Variants in PLAAT3 observed in about 807,000 individuals in gnomAD.
PLAAT3 encodes Ca-independent phospholipase A1/2.
In PLAAT3, 21 loss-of-function variants were observed where a neutral mutation model predicts 16.7. The ratio of observed to expected loss-of-function variants is 1.26; its 90% confidence interval spans 0.89 to 1.81. The LOEUF is 1.81. Among genes scored for constraint, PLAAT3 ranks in the 40% most tolerant of loss-of-function variants. The pLI, the probability that PLAAT3 is intolerant of heterozygous loss-of-function variation, is 0.00. For missense variants in PLAAT3, 219 were observed against 213.7 expected (o/e 1.02, Z -0.16); for synonymous variants, 76 against 81.7 (o/e 0.93, Z 0.38).
intron 3 of PLAAT3, among the ~76,000 whole-genome samples, chr11:63,597,084 G>C (rs1279943267): frequency 6.7e-6 from 1 of 148,964 alleles, no homozygotes; most frequent in East Asian, 2.0e-4. Flanking sequence ...CAAGAAAAGC[G>C]AAACTCCATC....
At chr11:63,594,537 T>C (rs1938233981) in intron 3 of PLAAT3, among the ~76,000 whole-genome samples, 1 of 151,978 alleles carries the variant, frequency 6.6e-6, no homozygotes, top group Non-Finnish European at 1.5e-5. Context: ...TGTGGAAGCT[T>C]TTCCCTACCC....
At chr11:63,583,576 T>C in intron 4 of PLAAT3, among the ~76,000 whole-genome samples, 1 of 152,154 alleles carries the variant, frequency 6.6e-6, no homozygotes. Context: ...AGTGCAAACT[T>C]GATGGGAAAA....
At chr11:63,606,690 G>C (rs1938574370) in intron 2 of PLAAT3, among the ~76,000 whole-genome samples, 1 of 152,182 alleles carries the variant, frequency 6.6e-6, no homozygotes, top group South Asian at 2.1e-4. Flanking sequence ...TCCGGCAGGG[G>C]GAGCAGCCGA....
At chr11:63,614,166 G>T in intron 1 of PLAAT3, 98 bp from the exon 2 acceptor site, 1 of 1,028,250 alleles carries the variant, frequency 9.7e-7, no homozygotes, top group Non-Finnish European at 1.5e-6. Flanking sequence ...CGTGAGAGGC[G>T]CGCCTCGGAC....
Position 63,598,046 on chromosome 11 carries a change from C to T in PLAAT3, c.118+15G>A, listed in dbSNP as rs752341771. ...CCCTGGGGCCCATCACAGTGGAGGT[C>T]CCATGTGTTCTTACTTGGAGGGGCC... On this transcript the variant is annotated intron_variant, in intron 3 of 4. Coordinates refer to ENST00000415826, the MANE Select transcript of PLAAT3 (RefSeq NM_001128203.2). The T allele has an allele frequency of 1.4e-5, 21 of 1,547,894 alleles. No homozygotes were observed. The highest frequency in any genetic ancestry group is 1.9e-5 in the Non-Finnish European group (21 of 1,119,594).
chr11:63,587,978 C>G (rs1938027283), intron 4 of PLAAT3, among the ~76,000 whole-genome samples: 1 of 152,086 alleles, frequency 6.6e-6, no homozygotes, highest in Non-Finnish European at 1.5e-5. Context: ...CTTTGGGAGG[C>G]TGAGGCGTTA....
At chr11:63,575,893 G>A (rs2017652803) in intron 4 of PLAAT3, among the ~76,000 whole-genome samples, 1 of 152,150 alleles carries the variant, frequency 6.6e-6, no homozygotes, top group Non-Finnish European at 1.5e-5. Context: ...GCTTTAGCTG[G>A]TCCCTGAACC....
At chr11:63,600,235 G>A (rs1033200088) in intron 2 of PLAAT3, among the ~76,000 whole-genome samples, 3 of 152,068 alleles carry the variant, frequency 2.0e-5, no homozygotes, top group Admixed American at 6.5e-5. Flanking sequence ...CTCCCACTTC[G>A]GCCTCCCAAA....
intron 2 of PLAAT3, among the ~76,000 whole-genome samples, chr11:63,601,045 A>G (rs1323700834): frequency 2.8e-5 from 2 of 72,616 alleles, no homozygotes; most frequent in South Asian, 8.2e-4. Flanking sequence ...AAAATTAAAC[A>G]AAAAAAAAAA....
chr11:63,597,485 C>T (rs1401578696), intron 3 of PLAAT3, among the ~76,000 whole-genome samples: 2 of 152,124 alleles, frequency 1.3e-5, no homozygotes, highest in Admixed American at 6.6e-5. Flanking sequence ...GAGATTGCGC[C>T]ACTGCACTCC....
intron 3 of PLAAT3, among the ~76,000 whole-genome samples, chr11:63,590,632 C>T (rs1268213365): frequency 2.6e-5 from 4 of 152,174 alleles, no homozygotes; most frequent in Non-Finnish European, 5.9e-5. Flanking sequence ...TCTTCTATAC[C>T]TCATGACACT....
At chr11:63,598,524 C>T (rs549722584) in intron 2 of PLAAT3, among the ~76,000 whole-genome samples, 1 of 152,372 alleles carries the variant, frequency 6.6e-6, no homozygotes, top group Non-Finnish European at 1.5e-5. Flanking sequence ...TCCACACAAC[C>T]ATCCAATGAT....
chr11:63,592,887 G>A (rs2134411401), intron 3 of PLAAT3, among the ~76,000 whole-genome samples: 1 of 152,292 alleles, frequency 6.6e-6, no homozygotes, highest in African/African-American at 2.4e-5. Flanking sequence ...GCAGCAGAAG[G>A]TCAGTCCTCC....
upstream of PLAAT3, among the ~76,000 whole-genome samples, chr11:63,615,090 G>GTA (rs1159869895): frequency 3.5e-4 from 29 of 84,014 alleles, 1 homozygote; most frequent in African/African-American, 7.3e-4. Flanking sequence ...GTATATATGT[G>GTA]TATATATGTG....
At chr11:63,594,130 C>T (rs913429822) in intron 3 of PLAAT3, among the ~76,000 whole-genome samples, 28 of 152,274 alleles carry the variant, frequency 1.8e-4, no homozygotes, top group African/African-American at 5.5e-4. Flanking sequence ...GACTCCTAGG[C>T]TTTAGGCCTG....
In PLAAT3 at chr11:63,610,427, C is replaced by T. The variant is rs930135394; in HGVS notation, c.15+3573G>A. Among the ~76,000 whole-genome samples, 9 of 152,304 alleles carry T rather than the reference C, an allele frequency of 5.9e-5. 1 individual carries two copies. Among genetic ancestry groups the T allele is most frequent in the Admixed American group, 5.9e-4 (9 of 15,300 alleles). On this transcript the variant is annotated intron_variant, in intron 2 of 4. Transcript: ENST00000415826. The stretch of plus-strand genomic sequence containing the variant: ...CCCAGCCTGCCAGCATTCCAAGGAC[C>T]AGAATTCCGTCTAATTCACCATTAT...
At chr11:63,577,197 A>T (rs1937640268) in intron 4 of PLAAT3, among the ~76,000 whole-genome samples, 2 of 147,414 alleles carry the variant, frequency 1.4e-5, no homozygotes, top group South Asian at 4.2e-4. Flanking sequence ...TTTGAGATGG[A>T]GTTTGCTCTT....
intron 4 of PLAAT3, among the ~76,000 whole-genome samples, 165 bp downstream of exon 4, chr11:63,589,935 C>CTCCCCACCCTTG (rs910999154): frequency 8.3e-6 from 1 of 119,834 alleles, no homozygotes; most frequent in Non-Finnish European, 1.7e-5. Flanking sequence ...ACTTGCCTCT[C>CTCCCCACCCTTG]TCCCCACCCT....
At position 63,582,744 on chromosome 11, in the gene PLAAT3, T is replaced by C. The variant is rs531468492; in HGVS notation, c.387+7356A>G. ...TATGTGTTTCCTGACATTAAACACATTTATGGCCCAGATAAGCCTCAGTAG... is the reference window on the plus strand; with the variant it reads ...TATGTGTTTCCTGACATTAAACACACTTATGGCCCAGATAAGCCTCAGTAG... On this transcript the variant is annotated intron_variant, in intron 4 of 4. Transcript: ENST00000415826. 1.8e-3 allele frequency among the ~76,000 whole-genome samples: 267 copies of C among 152,280 alleles called. 1 individual carries two copies. The highest frequency in any genetic ancestry group is 5.9e-3 in the African/African-American group (245 of 41,558).
Sources: allele counts gnomAD v4.1 joint callset (sites outside exome capture counted in the v4.1 genomes callset), GRCh38; gene constraint gnomAD v4.1.1; transcripts MANE v1.5; gene names NCBI Gene and HGNC (gene_info 2026-07-23, HGNC 2026-07-21).